FAM78B: variants seen among roughly 807,000 people sequenced by gnomAD.
FAM78B encodes family with sequence similarity 78 member B.
Under a neutral mutation model 20.0 loss-of-function variants are expected in FAM78B, and 10 were observed. The observed-to-expected ratio is 0.50, with a 90% CI of 0.31 to 0.85. The LOEUF is 0.85. Among genes scored for constraint, FAM78B ranks in the 40% least tolerant of loss-of-function variants. FAM78B has a pLI of 0.05. For synonymous variants in FAM78B, 135 were observed against 132.8 expected, an observed-to-expected ratio of 1.02 and a Z score of -0.12; for missense variants, 283 against 345.0, an observed-to-expected ratio of 0.82 and a Z score of 1.42.
At chr1:166,116,370 G>A (rs1050622324) in intron 1 of FAM78B, among the ~76,000 whole-genome samples, 6 of 152,192 alleles carry the variant, frequency 3.9e-5, no homozygotes, top group Admixed American at 1.3e-4. Context: ...CTGTTTGTCT[G>A]TATTCAGGAG....
At chr1:166,112,087 A>G (rs1654077951) in intron 1 of FAM78B, among the ~76,000 whole-genome samples, 1 of 152,250 alleles carries the variant, frequency 6.6e-6, no homozygotes, top group Non-Finnish European at 1.5e-5. Context: ...CCTCTCTGGC[A>G]TCACTGCCCC....
intron 1 of FAM78B, among the ~76,000 whole-genome samples, chr1:166,149,601 T>C (rs1360149909): frequency 6.6e-6 from 1 of 152,210 alleles, no homozygotes; most frequent in East Asian, 1.9e-4. Context: ...TCTCATTACA[T>C]GGAGAACAAT....
intron 1 of FAM78B, among the ~76,000 whole-genome samples, chr1:166,119,808 C>T (rs1654400836): frequency 6.6e-6 from 1 of 152,250 alleles, no homozygotes; most frequent in Non-Finnish European, 1.5e-5. Flanking sequence ...CTCCCTGAAG[C>T]CTTGCCAAGG....
At chr1:166,068,183 T>C (rs1236854074), downstream of FAM78B, among the ~76,000 whole-genome samples, 5 of 152,156 alleles carry the variant, frequency 3.3e-5, no homozygotes, top group South Asian at 2.1e-4. Context: ...CAGGATCCCA[T>C]AGGGGTGGAG....
rs1653599915 is a variant in FAM78B, at chr1:166,103,153, C to A, written c.264-32390G>T. On this transcript the variant is annotated intron_variant, in intron 1 of 1. Transcript: ENST00000354422. ...CAGAAATAAAGATGTTCTTTGAAAC[C>A]AATGGGAACAAAGATACAACATACC... Among the ~76,000 whole-genome samples the A allele has an allele frequency of 2.6e-5, 4 of 152,188 alleles. No individual in the cohort carries two copies. The South Asian group carries it at 8.3e-4, about 32-fold the overall frequency.
chr1:166,144,118 G>A (rs2163629), intron 1 of FAM78B, among the ~76,000 whole-genome samples: 134,563 of 152,192 alleles, frequency 0.88, 60,854 homozygotes, highest in Non-Finnish European at 0.99. Context: ...TGGTTCCAGT[G>A]ACCAGGGTTC....
At position 166,109,900 on chromosome 1, in the gene FAM78B, A is replaced by ATGTATGTG. The variant is rs1553219518; in HGVS notation, c.264-39138_264-39137insCACATACA. On this transcript the variant is annotated intron_variant, in intron 1 of 1. Transcript: ENST00000354422. Reference sequence around the variant, plus strand: ...TATATATGTATATATGTATATATATATATATATATATATATATATAATGGA... The same window carrying ATGTATGTG: ...TATATATGTATATATGTATATATATATGTATGTGTATATATATATATATATATAATGGA... Among the ~76,000 whole-genome samples, 5 of 102,780 alleles carry ATGTATGTG rather than the reference A, an allele frequency of 4.9e-5. 1 individual carries two copies. The highest frequency in any genetic ancestry group is 4.2e-4 in the Admixed American group (4 of 9,624). The allele number at this position is 102,780 out of a possible 152,430, so 67.4% of individuals were successfully genotyped here. A position where few individuals can be genotyped will look rare whatever the true frequency, so the allele number is the denominator to read the frequency against.
chr1:166,145,098 T>A (rs1228734001), intron 1 of FAM78B, among the ~76,000 whole-genome samples: 2 of 152,120 alleles, frequency 1.3e-5, no homozygotes, highest in African/African-American at 4.8e-5. Context: ...GCCCTCAACT[T>A]GGGTCAGGTC....
intron 1 of FAM78B, among the ~76,000 whole-genome samples, chr1:166,111,504 C>A (rs2101759018): frequency 6.6e-6 from 1 of 152,332 alleles, no homozygotes; most frequent in Admixed American, 6.5e-5. Flanking sequence ...CTGTGATTCG[C>A]AGACAGTGTC....
At chr1:166,073,554 A>G (rs537090966) in intron 1 of FAM78B, among the ~76,000 whole-genome samples, 2 of 144,428 alleles carry the variant, frequency 1.4e-5, no homozygotes, top group East Asian at 4.0e-4. Context: ...TTTTTTTTCC[A>G]AAAGGAGAGT....
intron 1 of FAM78B, among the ~76,000 whole-genome samples, chr1:166,127,996 A>G (rs1654704085): frequency 6.6e-6 from 1 of 152,254 alleles, no homozygotes. Flanking sequence ...GCTAGTTGAT[A>G]AAAACCACCT....
At chr1:166,123,623 G>A (rs144176649) in intron 1 of FAM78B, among the ~76,000 whole-genome samples, 6 of 152,338 alleles carry the variant, frequency 3.9e-5, no homozygotes, top group South Asian at 2.1e-4. Flanking sequence ...CCAACTTGAA[G>A]AAGCTCAGAT....
downstream of FAM78B, among the ~76,000 whole-genome samples, chr1:166,067,270 T>A (rs1037785607): frequency 2.6e-5 from 4 of 152,180 alleles, no homozygotes; most frequent in African/African-American, 9.7e-5. Context: ...GATGACCTAA[T>A]TTAACGAGGC....
downstream of FAM78B, among the ~76,000 whole-genome samples, chr1:166,067,501 G>A (rs570561864): frequency 3.3e-5 from 5 of 152,220 alleles, no homozygotes; most frequent in African/African-American, 1.2e-4. Flanking sequence ...TCAGGCCCAG[G>A]CATTTTGAGG....
At chr1:166,080,223 AC>A (rs1353879981) in intron 1 of FAM78B, among the ~76,000 whole-genome samples, 11 of 152,148 alleles carry the variant, frequency 7.2e-5, no homozygotes, top group African/African-American at 2.7e-4. Flanking sequence ...GCTGATACAC[AC>A]TGCTATGACC....
intron 1 of FAM78B, among the ~76,000 whole-genome samples, chr1:166,078,893 C>T (rs866684590): frequency 5.0e-4 from 75 of 150,604 alleles, no homozygotes; most frequent in African/African-American, 1.6e-3. Flanking sequence ...TACCCTTAGA[C>T]CCAGGTGAGA....
chr1:166,166,531 T>A lies in FAM78B; in HGVS notation c.-283A>T. On this transcript the variant is annotated 5_prime_UTR_variant, in exon 1 of 2. Transcript: ENST00000354422. Reference sequence around the variant, plus strand: ...GGAGGCGGCGGGTGCCCTCGCCGGCTCCAGCGCCCGGGCGGAGGGCAGGGA... The same window carrying A: ...GGAGGCGGCGGGTGCCCTCGCCGGCACCAGCGCCCGGGCGGAGGGCAGGGA... 2 of 149,596 alleles carry A rather than the reference T, an allele frequency of 1.3e-5. No individual in the cohort carries two copies. Among genetic ancestry groups the A allele is most frequent in the Non-Finnish European group, 3.0e-5 (2 of 67,678 alleles). The allele number at this position is 149,596 out of a possible 1,614,324, so 9.3% of individuals were successfully genotyped here. A position where few individuals can be genotyped will look rare whatever the true frequency, so the allele number is the denominator to read the frequency against.
exon 3 of FAM78B, chr1:166,058,121 C>T (rs1651424272): frequency 6.6e-6 from 1 of 152,130 alleles, no homozygotes; most frequent in South Asian, 2.1e-4. Flanking sequence ...AAAATGCCCT[C>T]CTGATATAAA....
At chr1:166,059,691 A>C (rs1218810051) in exon 3 of FAM78B, 1 of 152,360 alleles carries the variant, frequency 6.6e-6, no homozygotes, top group East Asian at 1.9e-4. Flanking sequence ...TCTGAGGGCT[A>C]TCTAGACAGT....
Sources: gnomAD v4.1 joint callset for allele counts (sites outside exome capture counted in the v4.1 genomes callset) on GRCh38, gnomAD v4.1.1 for gene constraint, MANE v1.5 for transcripts, NCBI Gene and HGNC (gene_info 2026-07-23, HGNC 2026-07-21) for gene names.